Variants in NEGR1 observed in about 807,000 individuals in gnomAD.
NEGR1 encodes IgLON family member 4.
A neutral mutation model predicts 40.9 loss-of-function variants in NEGR1; 10 were observed. That is an observed-to-expected ratio of 0.24 (90% CI 0.15 to 0.42). The LOEUF (loss-of-function observed/expected upper bound fraction) is 0.42, where lower values mean the gene tolerates loss of function less well. Ranked by LOEUF, NEGR1 falls within the 10% of genes least tolerant of loss-of-function variation. NEGR1 has a pLI of 1.00. For synonymous variants in NEGR1, 185 were observed against 166.8 expected (o/e 1.11, Z -0.84); for missense variants, 352 against 438.9 (o/e 0.80, Z 1.77).
At chr1:71,731,344 T>A (rs952338874) in intron 3 of NEGR1, among the ~76,000 whole-genome samples, 1 of 152,186 alleles carries the variant, frequency 6.6e-6, no homozygotes, top group Non-Finnish European at 1.5e-5. Flanking sequence ...CAAATGACCA[T>A]CACTGCATGA....
intron 1 of NEGR1, among the ~76,000 whole-genome samples, chr1:72,136,793 C>T (rs1208753754): frequency 6.6e-6 from 1 of 152,028 alleles, no homozygotes; most frequent in Non-Finnish European, 1.5e-5. Context: ...AAGAAACTAT[C>T]AGCAGAGTTA....
At chr1:72,144,294 G>C (rs1351045022) in intron 1 of NEGR1, among the ~76,000 whole-genome samples, 1 of 151,310 alleles carries the variant, frequency 6.6e-6, no homozygotes, top group Non-Finnish European at 1.5e-5. Flanking sequence ...CTAGACTATG[G>C]GTATACATAA....
intron 1 of NEGR1, among the ~76,000 whole-genome samples, chr1:72,138,063 A>C (rs991748577): frequency 1.3e-5 from 2 of 152,170 alleles, no homozygotes; most frequent in Admixed American, 1.3e-4. Context: ...GCTGAAAAAA[A>C]AGTACTTCAG....
chr1:71,699,733 C>T (rs1171105959), intron 3 of NEGR1, among the ~76,000 whole-genome samples: 3 of 151,710 alleles, frequency 2.0e-5, no homozygotes, highest in Admixed American at 1.3e-4. Flanking sequence ...TGGCTGTGCC[C>T]CAACCCGACT....
chr1:72,185,654 G>A (rs1247665740), intron 1 of NEGR1, among the ~76,000 whole-genome samples: 2 of 151,760 alleles, frequency 1.3e-5, no homozygotes, highest in African/African-American at 2.4e-5. Context: ...ATGGGGGAGC[G>A]ACTAGATGAA....
intron 1 of NEGR1, among the ~76,000 whole-genome samples, chr1:72,046,271 G>A (rs1647001339): frequency 6.6e-6 from 1 of 151,588 alleles, no homozygotes; most frequent in African/African-American, 2.4e-5. Flanking sequence ...CTTATAGGAT[G>A]AAATGATAAA....
At chr1:71,610,931 A>T in intron 5 of NEGR1, 95 bp downstream of exon 5, 1 of 1,300,896 alleles carries the variant, frequency 7.7e-7, no homozygotes, top group Non-Finnish European at 1.1e-6. Flanking sequence ...AGAATCATTC[A>T]AGCCAGTTAA....
At chr1:71,654,564 A>G (rs1231550077) in intron 4 of NEGR1, among the ~76,000 whole-genome samples, 1 of 152,140 alleles carries the variant, frequency 6.6e-6, no homozygotes, top group Non-Finnish European at 1.5e-5. Context: ...TCACATTGAT[A>G]TCCTTCATCT....
intron 1 of NEGR1, among the ~76,000 whole-genome samples, chr1:72,117,444 T>G (rs1286876584): frequency 6.6e-6 from 1 of 151,802 alleles, no homozygotes; most frequent in East Asian, 1.9e-4. Flanking sequence ...AAACCAGAAT[T>G]TAGCAACACT....
rs756076229 is a variant in NEGR1, at chr1:71,597,472, C to CTCTCTCTGTG, written c.789-4505_789-4504insCACAGAGAGA. Among the ~76,000 whole-genome samples the CTCTCTCTGTG allele has an allele frequency of 3.8e-4, 12 of 31,332 alleles. No individual in the cohort carries two copies. The East Asian group carries it at 3.9e-3, about 10-fold the overall frequency. 20.6% of individuals were successfully genotyped at this position (31,332 alleles called of 152,430 possible). ...TCTCTCTCTCTCTCTCTCTCTCTCT[C>CTCTCTCTGTG]TGTGTGTGTGTGTGTGTGTGTGTGT... On this transcript the variant is annotated intron_variant, in intron 5 of 6. Transcript: ENST00000357731.
chr1:71,713,199 T>G (rs1465826350), intron 3 of NEGR1, among the ~76,000 whole-genome samples: 1 of 152,216 alleles, frequency 6.6e-6, no homozygotes, highest in East Asian at 1.9e-4. Context: ...AAACTTCCTA[T>G]TCTATTTTTG....
chr1:71,799,913 C>T (rs1422031245), intron 2 of NEGR1, among the ~76,000 whole-genome samples: 2 of 152,058 alleles, frequency 1.3e-5, no homozygotes, highest in African/African-American at 2.4e-5. Flanking sequence ...GGGGTTTCAC[C>T]GTATTAGCCA....
chr1:71,585,162 A>G (rs977497579), intron 6 of NEGR1, among the ~76,000 whole-genome samples: 1 of 152,192 alleles, frequency 6.6e-6, no homozygotes, highest in Admixed American at 6.5e-5. Flanking sequence ...ACAAAAATAT[A>G]CAGAAGGTAA....
intron 1 of NEGR1, among the ~76,000 whole-genome samples, chr1:72,026,063 A>G (rs903028124): frequency 1.7e-4 from 22 of 132,028 alleles, no homozygotes; most frequent in African/African-American, 5.6e-4. Flanking sequence ...GTGAGCCGAG[A>G]TCCCGCCACT....
chr1:72,172,544 TTTC>T (rs1300065285), intron 1 of NEGR1, among the ~76,000 whole-genome samples: 4 of 152,200 alleles, frequency 2.6e-5, no homozygotes, highest in Non-Finnish European at 4.4e-5. Flanking sequence ...AAAATCCATT[TTTC>T]ATCATAAAAA....
At chr1:72,225,034 G>A (rs1051803782) in intron 1 of NEGR1, among the ~76,000 whole-genome samples, 1 of 151,996 alleles carries the variant, frequency 6.6e-6, no homozygotes, top group African/African-American at 2.4e-5. Flanking sequence ...AACACCAAGG[G>A]AGAACTGATT....
chr1:71,920,024 G>A (rs1246368668), intron 2 of NEGR1, among the ~76,000 whole-genome samples: 1 of 152,106 alleles, frequency 6.6e-6, no homozygotes, highest in Non-Finnish European at 1.5e-5. Flanking sequence ...AGTATTGAAT[G>A]GCTCCAGTCA....
intron 5 of NEGR1, among the ~76,000 whole-genome samples, chr1:71,608,761 T>C (rs1212782808): frequency 6.6e-6 from 1 of 152,156 alleles, no homozygotes; most frequent in Middle Eastern, 3.2e-3. Context: ...ATGTCCTAAT[T>C]TAGAGAAGGG....
chr1:72,226,884 T>C (rs1654207629), intron 1 of NEGR1, among the ~76,000 whole-genome samples: 1 of 152,092 alleles, frequency 6.6e-6, no homozygotes, highest in Non-Finnish European at 1.5e-5. Context: ...AGAAATGTGA[T>C]AGTTCAATTA....
Sources: gnomAD v4.1 joint callset for allele counts (sites outside exome capture counted in the v4.1 genomes callset) on GRCh38, gnomAD v4.1.1 for gene constraint, MANE v1.5 for transcripts, NCBI Gene and HGNC (gene_info 2026-07-23, HGNC 2026-07-21) for gene names.